Variants in UIMC1 observed in about 807,000 individuals in gnomAD.
UIMC1 encodes BRCA1-A complex subunit RAP80.
In UIMC1, 42 loss-of-function variants were observed where a neutral mutation model predicts 84.9. The observed-to-expected ratio is 0.49, with a 90% CI of 0.39 to 0.64. The LOEUF (loss-of-function observed/expected upper bound fraction) is 0.64, where lower values mean the gene tolerates loss of function less well. Among genes scored for constraint, UIMC1 ranks in the 30% least tolerant of loss-of-function variants. UIMC1 has a pLI of 0.00. For missense variants in UIMC1, 825 were observed against 847.6 expected (o/e 0.97, Z 0.33); for synonymous variants, 281 against 293.0 (o/e 0.96, Z 0.42).
At chr5:176,991,339 T>C (rs1312466493) in intron 1 of UIMC1, among the ~76,000 whole-genome samples, 2 of 151,936 alleles carry the variant, frequency 1.3e-5, no homozygotes, top group African/African-American at 4.8e-5. Context: ...TCTACCTTTT[T>C]AGATTCAGGT....
rs35445945 is a variant in UIMC1, at chr5:176,998,466, C to CAAAAAAAAAAAAAAAAAAAAAAAAAAAA, written c.-9+8183_-9+8184insTTTTTTTTTTTTTTTTTTTTTTTTTTTT. Among the ~76,000 whole-genome samples the CAAAAAAAAAAAAAAAAAAAAAAAAAAAA allele has an allele frequency of 3.1e-5, 2 of 64,402 alleles. 1 individual carries two copies. The allele number at this position is 64,402 out of a possible 152,430, so 42.3% of individuals were successfully genotyped here. On this transcript the variant is annotated intron_variant, in intron 1 of 14. Coordinates refer to ENST00000511320, the MANE Select transcript of UIMC1 (RefSeq NM_001199298.2). ...TGGACGACAGAGCAAGACTCTGTCT[C>CAAAAAAAAAAAAAAAAAAAAAAAAAAAA]AAAAAAAAAAAAAAAAAAAGTCTGG...
chr5:176,967,273 T>C (rs528591913), intron 6 of UIMC1, among the ~76,000 whole-genome samples: 2 of 151,716 alleles, frequency 1.3e-5, no homozygotes, highest in South Asian at 2.1e-4. Flanking sequence ...AATCCACACA[T>C]GGTATTTTTC....
chr5:176,905,669 T>A, intron 14 of UIMC1, 177 bp from the exon 15 acceptor site: 1 of 680,580 alleles, frequency 1.5e-6, no homozygotes, highest in Non-Finnish European at 2.4e-6. Context: ...GGGTAAATCA[T>A]ATACTACTTA....
chr5:177,007,340 CAAAAAAAAAAA>C (rs56871601), upstream of UIMC1, among the ~76,000 whole-genome samples: 5 of 58,396 alleles, frequency 8.6e-5, no homozygotes, highest in Admixed American at 3.9e-4. Context: ...GACTCCGTCT[CAAAAAAAAAAA>C]AAAAAAAAAA....
At chr5:176,956,709 T>TC in intron 7 of UIMC1, among the ~76,000 whole-genome samples, 1 of 151,816 alleles carries the variant, frequency 6.6e-6, no homozygotes, top group East Asian at 1.9e-4. Context: ...GCTAGCCCCC[T>TC]CATGCTTCAC....
At chr5:176,977,015 G>A (rs1400922031) in intron 2 of UIMC1, among the ~76,000 whole-genome samples, 1 of 152,142 alleles carries the variant, frequency 6.6e-6, no homozygotes, top group Admixed American at 6.5e-5. Context: ...CTGAGGTCAG[G>A]AGGTCGAGAC....
intron 9 of UIMC1, among the ~76,000 whole-genome samples, chr5:176,947,576 T>C (rs1224867993): frequency 6.6e-6 from 1 of 152,106 alleles, no homozygotes; most frequent in Non-Finnish European, 1.5e-5. Context: ...CCCAGCACTT[T>C]GGGAGGCCAA....
intron 1 of UIMC1, among the ~76,000 whole-genome samples, chr5:177,012,443 A>G (rs1206017104): frequency 6.6e-6 from 1 of 152,142 alleles, no homozygotes; most frequent in Admixed American, 6.6e-5. Flanking sequence ...CACACCTGCA[A>G]TCCCGGCACT....
intron 1 of UIMC1, among the ~76,000 whole-genome samples, chr5:176,992,647 T>A (rs10074136): frequency 0.11 from 15,006 of 141,804 alleles, 1,541 homozygotes; most frequent in African/African-American, 0.26. Context: ...AAAAAAAAAA[T>A]TTTTTTTAAT....
chr5:176,908,736 G>A (rs1271645529), intron 11 of UIMC1, 42 bp from the exon 12 acceptor site: 2 of 1,587,836 alleles, frequency 1.3e-6, no homozygotes, highest in Non-Finnish European at 1.7e-6. Context: ...GTTTTAAGAT[G>A]TGCTTTTGCC....
At chr5:176,927,609 C>T (rs531925339) in intron 10 of UIMC1, among the ~76,000 whole-genome samples, 40 of 151,976 alleles carry the variant, frequency 2.6e-4, no homozygotes, top group African/African-American at 9.4e-4. Context: ...TCACATGAAA[C>T]GCAATATGTA....
Position 176,906,052 on chromosome 5 carries a change from G to C in UIMC1, c.1913-5C>G, listed in dbSNP as rs1759320587. ...CTGAAGACTTGATGTCTGCATCTGT[G>C]ATATAAAAGAAAAAATAATAATGTT... On this transcript the variant is annotated splice_region_variant and splice_polypyrimidine_tract_variant and intron_variant, in intron 13 of 14. Transcript: ENST00000511320. 1 of 1,613,560 alleles carries C rather than the reference G, an allele frequency of 6.2e-7. No individual in the cohort carries two copies. Among genetic ancestry groups the C allele is most frequent in the African/African-American group, 1.3e-5 (1 of 75,022 alleles).
intron 1 of UIMC1, among the ~76,000 whole-genome samples, chr5:177,018,500 A>G (rs894283429): frequency 5.9e-5 from 9 of 152,228 alleles, no homozygotes; most frequent in African/African-American, 2.2e-4. Flanking sequence ...AACAGTAGCC[A>G]GTTCCCGTCC....
intron 10 of UIMC1, among the ~76,000 whole-genome samples, chr5:176,922,501 T>C (rs537032268): frequency 6.6e-6 from 1 of 152,364 alleles, no homozygotes; most frequent in South Asian, 2.1e-4. Flanking sequence ...CACTGCTTTA[T>C]CATCTGTCTC....
At chr5:176,997,870 C>A in intron 1 of UIMC1, among the ~76,000 whole-genome samples, 1 of 152,200 alleles carries the variant, frequency 6.6e-6, no homozygotes, top group Middle Eastern at 3.4e-3. Context: ...CATGAGGCCT[C>A]TATACTTGCT....
intron 9 of UIMC1, among the ~76,000 whole-genome samples, chr5:176,946,799 C>A (rs999992543): frequency 3.3e-5 from 5 of 152,176 alleles, no homozygotes; most frequent in African/African-American, 1.2e-4. Flanking sequence ...CCTACCACTG[C>A]ACTCCAGCCT....
chr5:177,000,498 C>CTTTTTTTTTTTTTTTTTTT lies in UIMC1; in HGVS notation c.-9+6133_-9+6151dup, dbSNP rs966855813. Among the ~76,000 whole-genome samples, 338 of 113,306 alleles carry CTTTTTTTTTTTTTTTTTTT rather than the reference C, an allele frequency of 3.0e-3. 11 individuals carry two copies. Among genetic ancestry groups the CTTTTTTTTTTTTTTTTTTT allele is most frequent in the African/African-American group, 7.5e-3 (189 of 25,060 alleles). The allele number at this position is 113,306 out of a possible 152,430, so 74.3% of individuals were successfully genotyped here. A position where few individuals can be genotyped will look rare whatever the true frequency, so the allele number is the denominator to read the frequency against. The stretch of plus-strand genomic sequence containing the variant: ...ATATGCCTGTTTTCCACTTGCATGT[C>CTTTTTTTTTTTTTTTTTTT]TTTTTTTTTTTTTTTTTTTGAGATG... On this transcript the variant is annotated intron_variant, in intron 1 of 14. Transcript: ENST00000511320.
At chr5:177,014,714 A>T (rs1200761053) in intron 1 of UIMC1, among the ~76,000 whole-genome samples, 3 of 152,138 alleles carry the variant, frequency 2.0e-5, no homozygotes, top group Non-Finnish European at 4.4e-5. Flanking sequence ...ATAAATAAAT[A>T]AATAAAGGCA....
At chr5:176,991,076 C>T (rs186147680) in intron 1 of UIMC1, among the ~76,000 whole-genome samples, 14 of 152,054 alleles carry the variant, frequency 9.2e-5, no homozygotes, top group African/African-American at 2.7e-4. Context: ...GGCACTATCT[C>T]GGCTCACTGC....
Sources: gnomAD v4.1 joint callset for allele counts (sites outside exome capture counted in the v4.1 genomes callset) on GRCh38, gnomAD v4.1.1 for gene constraint, MANE v1.5 for transcripts, NCBI Gene and HGNC (gene_info 2026-07-23, HGNC 2026-07-21) for gene names.